The following ZPBP variants were observed in gnomAD, a reference collection of about 807,000 sequenced individuals.
ZPBP encodes the protein zona pellucida-binding protein 1.
Under a neutral mutation model 44.8 loss-of-function variants are expected in ZPBP, and 26 were observed. The ratio of observed to expected loss-of-function variants is 0.58; its 90% confidence interval spans 0.43 to 0.81. The LOEUF is 0.81. Among genes scored for constraint, ZPBP ranks in the 30% least tolerant of loss-of-function variants. The probability of loss-of-function intolerance (pLI) is 0.00; values close to 1 mark genes in which losing one functional copy is unlikely to be tolerated. For missense variants in ZPBP, 409 were observed against 434.0 expected, an observed-to-expected ratio of 0.94 and a Z score of 0.51; for synonymous variants, 174 against 153.2, an observed-to-expected ratio of 1.14 and a Z score of -1.00.
chr7:49,935,666 G>A (rs1287629378), downstream of ZPBP: 1 of 152,312 alleles, frequency 6.6e-6, no homozygotes, highest in East Asian at 1.9e-4. Context: ...CAAAGAGCTG[G>A]GATTACAGGC....
At chr7:49,888,195 A>G (rs536688057) in intron 2 of ZPBP, among the ~76,000 whole-genome samples, 1 of 152,344 alleles carries the variant, frequency 6.6e-6, no homozygotes, top group Non-Finnish European at 1.5e-5. Context: ...ATTTTCTGAC[A>G]GCCAGTTAAA....
chr7:49,893,730 T>A (rs1023715945), intron 2 of ZPBP, among the ~76,000 whole-genome samples: 1 of 152,148 alleles, frequency 6.6e-6, no homozygotes, highest in Admixed American at 6.5e-5. Flanking sequence ...AGATGTTGAT[T>A]CCTCTGTATA....
chr7:49,925,695 T>C (rs142422697), intron 1 of ZPBP, among the ~76,000 whole-genome samples: 2,082 of 152,376 alleles, frequency 0.014, 24 homozygotes, highest in Non-Finnish European at 0.02. Context: ...CACAGGCCTC[T>C]GCCTCAGACC....
intron 7 of ZPBP, among the ~76,000 whole-genome samples, chr7:49,977,464 C>T (rs1026422973): frequency 6.6e-6 from 1 of 152,034 alleles, no homozygotes; most frequent in Admixed American, 6.6e-5. Flanking sequence ...AACATTTTTA[C>T]CTACTAAACA....
At chr7:49,917,955 A>C (rs949770056) in intron 1 of ZPBP, 2 of 152,134 alleles carry the variant, frequency 1.3e-5, no homozygotes, top group African/African-American at 4.8e-5. Flanking sequence ...TAAGCATATA[A>C]TTCTTATAAT....
chr7:49,855,763 C>T (rs10252915), intron 2 of ZPBP, among the ~76,000 whole-genome samples: 1 of 152,124 alleles, frequency 6.6e-6, no homozygotes, highest in African/African-American at 2.4e-5. Context: ...CCCTGCCTCC[C>T]CAGAAGCCAG....
intron 2 of ZPBP, among the ~76,000 whole-genome samples, chr7:49,857,205 G>A (rs1460101795): frequency 6.6e-6 from 1 of 151,852 alleles, no homozygotes; most frequent in Non-Finnish European, 1.5e-5. Context: ...CCCAACCCCT[G>A]GCAACCACCA....
intron 7 of ZPBP, among the ~76,000 whole-genome samples, chr7:49,950,866 A>G (rs1795311447): frequency 6.6e-6 from 1 of 151,866 alleles, no homozygotes; most frequent in African/African-American, 2.4e-5. Context: ...ACAAAGCTAC[A>G]ATAATCAAAA....
At chr7:49,995,313 G>T in intron 6 of ZPBP, among the ~76,000 whole-genome samples, 1 of 152,194 alleles carries the variant, frequency 6.6e-6, no homozygotes, top group East Asian at 1.9e-4. Context: ...AGGGTGTATT[G>T]CTGGTTTTCT....
chr7:49,970,855 A>ATAAT (rs1796274378), intron 7 of ZPBP, among the ~76,000 whole-genome samples: 1 of 130,164 alleles, frequency 7.7e-6, no homozygotes, highest in South Asian at 2.4e-4. Context: ...TCTCTACAAA[A>ATAAT]TAATAAATAA....
At chr7:49,844,385 G>A in the ZPBP span, among the ~76,000 whole-genome samples, 1 of 152,192 alleles carries the variant, frequency 6.6e-6, no homozygotes, top group Non-Finnish European at 1.5e-5. Flanking sequence ...AGCCAGGTCT[G>A]TCAGAACGAT....
chr7:50,082,552 A>G (rs776640007), intron 2 of ZPBP, among the ~76,000 whole-genome samples: 1 of 151,840 alleles, frequency 6.6e-6, no homozygotes. Context: ...AGGTTGCAAC[A>G]ACCCTTTAGA....
At chr7:49,852,957 T>C (rs1353337535) in intron 2 of ZPBP, among the ~76,000 whole-genome samples, 1 of 152,168 alleles carries the variant, frequency 6.6e-6, no homozygotes, top group Non-Finnish European at 1.5e-5. Flanking sequence ...TCCAAACAAA[T>C]CCAGTCCTTT....
At chr7:49,941,600 A>G (rs1215240188) in intron 7 of ZPBP, among the ~76,000 whole-genome samples, 1 of 152,192 alleles carries the variant, frequency 6.6e-6, no homozygotes, top group Non-Finnish European at 1.5e-5. Flanking sequence ...GGAATAATGT[A>G]TACTATAAAT....
At chr7:49,963,724 T>A (rs1353286368) in intron 7 of ZPBP, among the ~76,000 whole-genome samples, 1 of 151,790 alleles carries the variant, frequency 6.6e-6, no homozygotes, top group Non-Finnish European at 1.5e-5. Context: ...TACATTTAAA[T>A]AAAGAGGATT....
At chr7:49,979,496 A>T (rs1260583123) in intron 7 of ZPBP, among the ~76,000 whole-genome samples, 2 of 151,964 alleles carry the variant, frequency 1.3e-5, no homozygotes, top group Non-Finnish European at 2.9e-5. Flanking sequence ...AGTGTAGTAC[A>T]TAATAAGTTG....
chr7:49,937,451 C>A lies in ZPBP; in HGVS notation c.*77G>T. 9.0e-7 allele frequency: 1 copy of A among 1,105,942 alleles called. No individual in the cohort carries two copies. The highest frequency in any genetic ancestry group is 2.2e-4 in the Middle Eastern group (1 of 4,538). 68.5% of individuals were successfully genotyped at this position (1,105,942 alleles called of 1,614,324 possible). On this transcript the variant is annotated 3_prime_UTR_variant, in exon 8 of 8. Transcript: ENST00000046087. ...TTTTGTAAAATATGATTAATTTTGGCATAATAATTTATTATGTTAATATTT... is the reference window on the plus strand; with the variant it reads ...TTTTGTAAAATATGATTAATTTTGGAATAATAATTTATTATGTTAATATTT...
intron 6 of ZPBP, among the ~76,000 whole-genome samples, chr7:50,006,133 G>A (rs964991611): frequency 3.3e-5 from 5 of 151,640 alleles, no homozygotes; most frequent in Admixed American, 2.0e-4. Flanking sequence ...ACGTGAGAAC[G>A]CCTAAAGATA....
intron 1 of ZPBP, among the ~76,000 whole-genome samples, chr7:49,909,324 T>G (rs1483074): frequency 6.6e-6 from 1 of 151,978 alleles, no homozygotes; most frequent in Non-Finnish European, 1.5e-5. Context: ...AAAAAGATGA[T>G]ACAGAAAAGA....
Sources: allele counts gnomAD v4.1 joint callset (sites outside exome capture counted in the v4.1 genomes callset), GRCh38; gene constraint gnomAD v4.1.1; transcripts MANE v1.5; gene names NCBI Gene and HGNC (gene_info 2026-07-23, HGNC 2026-07-21).